The following FMN1 variants were observed in gnomAD, a reference collection of about 807,000 sequenced individuals.
The protein encoded by FMN1 is formin 1.
A neutral mutation model predicts 132.4 loss-of-function variants in FMN1; 110 were observed. The observed-to-expected ratio is 0.83, with a 90% confidence interval of 0.71 to 0.97. The LOEUF (loss-of-function observed/expected upper bound fraction) is 0.97, where lower values mean the gene tolerates loss of function less well. Among genes scored for constraint, FMN1 ranks in the 50% least tolerant of loss-of-function variants. The pLI, the probability that FMN1 is intolerant of heterozygous loss-of-function variation, is 0.00. For missense variants in FMN1, 1,792 were observed against 1,705.3 expected (o/e 1.05, Z -0.90); for synonymous variants, 722 against 651.7 (o/e 1.11, Z -1.64).
intron 9 of FMN1, among the ~76,000 whole-genome samples, chr15:32,937,490 T>G (rs2061304289): frequency 6.6e-6 from 1 of 152,356 alleles, no homozygotes; most frequent in East Asian, 1.9e-4. Flanking sequence ...CGTGTATTAT[T>G]AAATTGGCAT....
chr15:32,946,076 T>G (rs1413629757), intron 9 of FMN1, among the ~76,000 whole-genome samples: 1 of 152,066 alleles, frequency 6.6e-6, no homozygotes, highest in Non-Finnish European at 1.5e-5. Flanking sequence ...TTCCACGAAA[T>G]GTTGGTAAAA....
intron 17 of FMN1, among the ~76,000 whole-genome samples, chr15:32,814,486 T>C (rs1567211389): frequency 2.0e-5 from 3 of 152,170 alleles, no homozygotes; most frequent in Non-Finnish European, 2.9e-5. Flanking sequence ...AACTAAACTC[T>C]ATAGCCTCAT....
intron 17 of FMN1, among the ~76,000 whole-genome samples, chr15:32,818,928 T>TA (rs559611960): frequency 0.014 from 1,646 of 117,982 alleles, 27 homozygotes; most frequent in African/African-American, 0.043. Flanking sequence ...TTTCAGAAAG[T>TA]AAAAAAAAAA....
intron 7 of FMN1, among the ~76,000 whole-genome samples, chr15:33,002,831 A>G (rs77123305): frequency 0.058 from 8,860 of 152,270 alleles, 308 homozygotes; most frequent in South Asian, 0.096. Flanking sequence ...AGATTAGAGA[A>G]GAGGGTTGCT....
chr15:32,807,909 C>T (rs1448080164), intron 17 of FMN1, among the ~76,000 whole-genome samples: 2 of 152,178 alleles, frequency 1.3e-5, no homozygotes, highest in Non-Finnish European at 2.9e-5. Flanking sequence ...GCTCTAACAG[C>T]ATGAAATATT....
chr15:33,095,100 C>G (rs2141384161), intron 4 of FMN1, among the ~76,000 whole-genome samples: 1 of 152,260 alleles, frequency 6.6e-6, no homozygotes, highest in Non-Finnish European at 1.5e-5. Context: ...GTAATTCCAG[C>G]ACTTTGGGAA....
intron 17 of FMN1, among the ~76,000 whole-genome samples, chr15:32,849,743 G>A (rs2058964001): frequency 6.6e-6 from 1 of 151,924 alleles, no homozygotes; most frequent in Non-Finnish European, 1.5e-5. Context: ...TGCAACCTTT[G>A]CTTCCTGGGT....
In FMN1 at chr15:32,975,282, G is replaced by A. The variant is rs1267577608; in HGVS notation, c.2224-5805C>T. On this transcript the variant is annotated intron_variant, in intron 7 of 20. Coordinates refer to ENST00000616417, the MANE Select transcript of FMN1 (RefSeq NM_001277313.2). The stretch of plus-strand genomic sequence containing the variant: ...AAATCTAAAAACTCCAGGCAGTTGG[G>A]GACCACAATTTAATCATATTTGAAC... Among the ~76,000 whole-genome samples the A allele has an allele frequency of 2.6e-5, 4 of 152,050 alleles. No homozygotes were observed. The East Asian group carries it at 5.8e-4, about 22-fold the overall frequency.
rs1054923068 is a variant in FMN1, at chr15:32,926,001, G to A, written c.3226+173C>T. On this transcript the variant is annotated intron_variant, in intron 10 of 20. Coordinates refer to ENST00000616417, the MANE Select transcript of FMN1 (RefSeq NM_001277313.2). ...AAATTTGCTTCATAACCTACTTGGT[G>A]AGAGGGGGGCATTTTCAGATAAAAC... Among the ~76,000 whole-genome samples, 4 of 152,194 alleles carry A rather than the reference G, an allele frequency of 2.6e-5. No homozygotes were observed. In the East Asian group the frequency reaches 7.7e-4, roughly 29 times the overall value.
chr15:33,062,278 A>C (rs980603842), intron 6 of FMN1, among the ~76,000 whole-genome samples: 4 of 152,230 alleles, frequency 2.6e-5, no homozygotes, highest in African/African-American at 9.6e-5. Context: ...TTTATAATAC[A>C]TCATGTATAA....
At chr15:33,029,274 T>A (rs372210041) in intron 6 of FMN1, among the ~76,000 whole-genome samples, 115 of 150,372 alleles carry the variant, frequency 7.6e-4, no homozygotes, top group African/African-American at 2.7e-3. Flanking sequence ...AAAAAAAAAA[T>A]CACATGGCTG....
At chr15:33,007,152 T>A (rs761946305) in intron 7 of FMN1, among the ~76,000 whole-genome samples, 1 of 152,206 alleles carries the variant, frequency 6.6e-6, no homozygotes, top group Non-Finnish European at 1.5e-5. Flanking sequence ...AATATATACA[T>A]ATTTCAAAAC....
intron 7 of FMN1, among the ~76,000 whole-genome samples, chr15:32,996,651 T>C (rs955511237): frequency 2.6e-5 from 4 of 152,218 alleles, no homozygotes; most frequent in Admixed American, 2.0e-4. Flanking sequence ...AATATTATTA[T>C]TGTTATTCCT....
intron 8 of FMN1, among the ~76,000 whole-genome samples, chr15:32,965,477 T>C (rs2031121770): frequency 6.6e-6 from 1 of 152,242 alleles, no homozygotes; most frequent in African/African-American, 2.4e-5. Flanking sequence ...AACATAGGTA[T>C]ATGTTACAAT....
chr15:33,118,020 AGT>A (rs1461472918), intron 4 of FMN1, among the ~76,000 whole-genome samples: 3 of 152,324 alleles, frequency 2.0e-5, no homozygotes, highest in East Asian at 3.9e-4. Flanking sequence ...ATAATGATAT[AGT>A]GTGTTGTGAA....
At position 32,950,050 on chromosome 15, in the gene FMN1, T is replaced by C. The variant is rs1037943428; in HGVS notation, c.3138+14057A>G. Among the ~76,000 whole-genome samples the C allele has an allele frequency of 3.3e-3, 13 of 3,932 alleles. 2 individuals carry two copies. Among genetic ancestry groups the C allele is most frequent in the South Asian group, 0.017 (1 of 60 alleles). The allele number at this position is 3,932 out of a possible 152,430, so 2.6% of individuals were successfully genotyped here. ...ATATATATACACATATATATATATATACACATATATATATATATATATATA... is the reference window on the plus strand; with the variant it reads ...ATATATATACACATATATATATATACACACATATATATATATATATATATA... On this transcript the variant is annotated intron_variant, in intron 9 of 20. Transcript: ENST00000616417.
intron 17 of FMN1, chr15:32,837,057 C>G (rs2058643830): frequency 4.3e-6 from 1 of 230,572 alleles, no homozygotes; most frequent in African/African-American, 2.3e-5. Flanking sequence ...ATCCTTCTCA[C>G]TCTGCTACAA....
chr15:32,880,163 A>T (rs1296835596), intron 16 of FMN1, among the ~76,000 whole-genome samples: 5 of 136,686 alleles, frequency 3.7e-5, no homozygotes, highest in Non-Finnish European at 7.8e-5. Context: ...TGACTTGGTT[A>T]GACTAGCGTT....
At chr15:32,798,535 T>C (rs940071087) in intron 19 of FMN1, among the ~76,000 whole-genome samples, 1 of 152,138 alleles carries the variant, frequency 6.6e-6, no homozygotes, top group Non-Finnish European at 1.5e-5. Flanking sequence ...TGTTGCAAAT[T>C]AGCACAACCC....
Sources: allele counts gnomAD v4.1 joint callset (sites outside exome capture counted in the v4.1 genomes callset), GRCh38; gene constraint gnomAD v4.1.1; transcripts MANE v1.5; gene names NCBI Gene and HGNC (gene_info 2026-07-23, HGNC 2026-07-21).